The following MIOS variants were observed in gnomAD, a reference collection of about 807,000 sequenced individuals.
MIOS encodes GATOR2 complex protein MIOS.
Under a neutral mutation model 96.9 loss-of-function variants are expected in MIOS, and 52 were observed. The ratio of observed to expected loss-of-function variants is 0.54; its 90% CI spans 0.43 to 0.68. The LOEUF (loss-of-function observed/expected upper bound fraction) is 0.68. Among genes scored for constraint, MIOS ranks in the 30% least tolerant of loss-of-function variants. The probability of loss-of-function intolerance (pLI) is 0.00; values close to 1 mark genes in which losing one functional copy is unlikely to be tolerated. For missense variants in MIOS, 1,005 were observed against 1,052.8 expected, an observed-to-expected ratio of 0.95 and a Z score of 0.63; for synonymous variants, 397 against 359.5, an observed-to-expected ratio of 1.10 and a Z score of -1.18.
intron 11 of MIOS, among the ~76,000 whole-genome samples, chr7:7,600,782 C>T (rs1200661212): frequency 2.0e-5 from 3 of 152,130 alleles, no homozygotes; most frequent in Non-Finnish European, 2.9e-5. Flanking sequence ...CAGCACCACA[C>T]CACACCTTTT....
At chr7:7,579,797 C>A (rs962829671) in intron 5 of MIOS, among the ~76,000 whole-genome samples, 1 of 152,126 alleles carries the variant, frequency 6.6e-6, no homozygotes, top group African/African-American at 2.4e-5. Context: ...GCCCATGTAG[C>A]CCAGGTGTGT....
intron 11 of MIOS, 118 bp from the exon 12 acceptor site, chr7:7,605,824 C>G: frequency 9.9e-7 from 1 of 1,014,992 alleles, no homozygotes; most frequent in Non-Finnish European, 1.4e-6. Context: ...ATCAAAATTG[C>G]TATTTCAATA....
rs1783790691 is a variant in MIOS, at chr7:7,583,359, A to T, written c.1635A>T (p.Ala545=). The change falls in exon 6 of 13, where the codon GCA becomes GCT. Residue 545 remains alanine (A), a synonymous_variant. Transcript: ENST00000340080. ...CAATCCAAATCCTGAATGAAGGGGC[A>T]TCTTCTGAAAAAGGTATTAGGTTAT... ...RRAIQILNEG[A]SSEKGDLNLN... is the part of the protein sequence containing the mutation. 2 of 1,606,442 alleles carry T rather than the reference A, an allele frequency of 1.2e-6. No individual in the cohort carries two copies. Among genetic ancestry groups the T allele is most frequent in the Non-Finnish European group, 1.7e-6 (2 of 1,175,298 alleles).
In MIOS at chr7:7,585,682, G is replaced by A. The variant is rs185092449; in HGVS notation, c.1695G>A (p.Thr565=). Residue 565 remains threonine (T), a synonymous_variant, in exon 7 of 13, where the codon ACG becomes ACA. Transcript: ENST00000340080. ...TAGCAATGGCTTTATCGGGTTATAC[G>A]GATGAGAAGAACTCCCTTTGGAGAG... ...NVVAMALSGY[T]DEKNSLWREM... 20 of 1,607,666 alleles carry A rather than the reference G, an allele frequency of 1.2e-5. No individual in the cohort carries two copies. Among genetic ancestry groups the A allele is most frequent in the Admixed American group, 6.8e-5 (4 of 58,938 alleles).
At chr7:7,601,106 G>C (rs145016891) in intron 11 of MIOS, among the ~76,000 whole-genome samples, 5 of 152,056 alleles carry the variant, frequency 3.3e-5, no homozygotes, top group African/African-American at 1.2e-4. Flanking sequence ...ATGCCCACGA[G>C]AGTAAGCAGG....
intron 5 of MIOS, among the ~76,000 whole-genome samples, chr7:7,575,549 A>G (rs1482613514): frequency 2.0e-5 from 3 of 152,158 alleles, no homozygotes; most frequent in Non-Finnish European, 2.9e-5. Flanking sequence ...CCATGGTTCA[A>G]GATTTTAGAG....
At chr7:7,597,254 A>T (rs1784229785) in intron 11 of MIOS, among the ~76,000 whole-genome samples, 1 of 151,230 alleles carries the variant, frequency 6.6e-6, no homozygotes, top group Non-Finnish European at 1.5e-5. Context: ...TGAACCCGGG[A>T]GGCAGAGGTT....
chr7:7,602,269 A>G (rs1784401796), intron 11 of MIOS, among the ~76,000 whole-genome samples: 1 of 152,230 alleles, frequency 6.6e-6, no homozygotes, highest in Non-Finnish European at 1.5e-5. Flanking sequence ...ATTTAGGAAA[A>G]GAGGAAGTCA....
chr7:7,593,804 G>A lies in MIOS; in HGVS notation c.2044-1176G>A, dbSNP rs375174073. Among the ~76,000 whole-genome samples, 10 of 149,470 alleles carry A rather than the reference G, an allele frequency of 6.7e-5. No homozygotes were observed. The East Asian group carries it at 1.2e-3, about 18-fold the overall frequency. ...TCAAGCAGGAGAATTGCTTGAGCCCGGGAGGCAGAGGTTGCAGTGAGCCGA... is the reference window on the plus strand; with the variant it reads ...TCAAGCAGGAGAATTGCTTGAGCCCAGGAGGCAGAGGTTGCAGTGAGCCGA... On this transcript the variant is annotated intron_variant, in intron 9 of 12. Coordinates refer to ENST00000340080, the MANE Select transcript of MIOS (RefSeq NM_019005.4).
chr7:7,574,186 G>A lies in MIOS; in HGVS notation c.1383G>A (p.Lys461=). The change falls in exon 5 of 13, where the codon AAG becomes AAA. Residue 461 remains lysine (K), a synonymous_variant. Coordinates refer to ENST00000340080, the MANE Select transcript of MIOS (RefSeq NM_019005.4). The part of the protein sequence containing the change: ...LVYAGIKSIV[K]SSLGMVESSR... ...ATGCAGGAATTAAATCAATTGTAAAGTCATCGTTGGGTAAGAAAATTCTAT... is the reference window on the plus strand; with the variant it reads ...ATGCAGGAATTAAATCAATTGTAAAATCATCGTTGGGTAAGAAAATTCTAT... 1.2e-6 allele frequency: 2 copies of A among 1,602,218 alleles called. No individual in the cohort carries two copies. Among genetic ancestry groups the A allele is most frequent in the Non-Finnish European group, 1.7e-6 (2 of 1,173,846 alleles).
rs767494177 is a variant in MIOS, at chr7:7,572,823, T to C, written c.348T>C (p.Cys116=). Residue 116 remains cysteine, a synonymous_variant, in exon 4 of 13, where the codon TGT becomes TGC. Coordinates refer to ENST00000340080, the MANE Select transcript of MIOS (RefSeq NM_019005.4). This position sits in a 1 kb window ranked among gnomAD's most constrained non-coding sequence, Gnocchi z 4.8. ...KEFVPKHARQ[C]NTLAWNPLDS... is the part of the protein sequence containing the mutation. ...TTGTTCCAAAACATGCACGACAATG[T>C]AATACCCTTGCCTGGAATCCACTGG... 1 of 1,614,176 alleles carries C rather than the reference T, an allele frequency of 6.2e-7. No individual in the cohort carries two copies. Among genetic ancestry groups the C allele is most frequent in the Non-Finnish European group, 8.5e-7 (1 of 1,179,992 alleles).
chr7:7,604,967 A>G (rs925526570), intron 11 of MIOS, among the ~76,000 whole-genome samples: 2 of 152,020 alleles, frequency 1.3e-5, no homozygotes, highest in African/African-American at 4.8e-5. Context: ...TTCAGGAGTA[A>G]TTCTAGTGTG....
chr7:7,588,285 A>G (rs1400200869), intron 7 of MIOS, among the ~76,000 whole-genome samples: 1 of 152,158 alleles, frequency 6.6e-6, no homozygotes, highest in Non-Finnish European at 1.5e-5. Context: ...GTAAATTTTT[A>G]CTTTGCAAGG....
chr7:7,583,487 T>C (rs1425276664), intron 6 of MIOS, 115 bp downstream of exon 6: 2 of 1,205,484 alleles, frequency 1.7e-6, no homozygotes, highest in African/African-American at 3.1e-5. Context: ...AAAATTTTAA[T>C]TTAATTTTTG....
At chr7:7,571,337 A>C (rs1407770182) in intron 3 of MIOS, among the ~76,000 whole-genome samples, 2 of 152,098 alleles carry the variant, frequency 1.3e-5, no homozygotes, top group Non-Finnish European at 2.9e-5. Context: ...CTACTTTAAC[A>C]CTTATTCAAA....
intron 11 of MIOS, among the ~76,000 whole-genome samples, chr7:7,601,803 C>A (rs2115495378): frequency 6.6e-6 from 1 of 152,302 alleles, no homozygotes; most frequent in Non-Finnish European, 1.5e-5. Flanking sequence ...CCTTGATGAA[C>A]ATTGATGCAA....
chr7:7,605,713 C>G (rs1456843242), intron 11 of MIOS: 1 of 407,910 alleles, frequency 2.5e-6, no homozygotes, highest in Admixed American at 4.0e-5. Flanking sequence ...TAGATTGTTT[C>G]TTAGTGGGTT....
intron 12 of MIOS, 35 bp from the exon 13 acceptor site, chr7:7,606,961 T>C (rs1271076109): frequency 2.1e-6 from 3 of 1,438,936 alleles, no homozygotes; most frequent in Admixed American, 3.6e-5. Context: ...CTGTCTAATT[T>C]GGATTTTTAA....
At chr7:7,592,920 G>A (rs771387961) in intron 9 of MIOS, among the ~76,000 whole-genome samples, 1 of 152,150 alleles carries the variant, frequency 6.6e-6, no homozygotes, top group Non-Finnish European at 1.5e-5. Context: ...TACATTTCTC[G>A]GTTCAGATTC....
Sources: gnomAD v4.1 joint callset for allele counts (sites outside exome capture counted in the v4.1 genomes callset) on GRCh38, gnomAD v4.1.1 for gene constraint, Gnocchi (gnomAD v3.1) non-coding constraint, MANE v1.5 for transcripts, NCBI Gene and HGNC (gene_info 2026-07-23, HGNC 2026-07-21) for gene names.